Variants in EPHA5 observed in about 807,000 individuals in gnomAD.
The protein encoded by EPHA5 is ephrin type-A receptor 5.
Under a neutral mutation model 105.0 loss-of-function variants are expected in EPHA5, and 60 were observed. That is an observed-to-expected ratio of 0.57 (90% CI 0.46 to 0.71). EPHA5 has a LOEUF of 0.71. Ranked by LOEUF, EPHA5 falls within the 30% of genes least tolerant of loss-of-function variation. The pLI is 0.00. For missense variants in EPHA5, 1,218 were observed against 1,274.7 expected (o/e 0.96, Z 0.68); for synonymous variants, 513 against 449.1 (o/e 1.14, Z -1.80).
At chr4:65,343,813 C>T (rs921743430) in intron 14 of EPHA5, among the ~76,000 whole-genome samples, 3 of 151,734 alleles carry the variant, frequency 2.0e-5, no homozygotes, top group East Asian at 2.0e-4. Flanking sequence ...CTGTAAACCT[C>T]ATTTAAATTC....
chr4:65,371,923 C>T (rs1304398549), intron 8 of EPHA5, among the ~76,000 whole-genome samples: 1 of 151,892 alleles, frequency 6.6e-6, no homozygotes, highest in Non-Finnish European at 1.5e-5. Context: ...AATGGATACT[C>T]CTGTATTGTT....
intron 3 of EPHA5, among the ~76,000 whole-genome samples, chr4:65,526,031 T>C (rs563808742): frequency 6.6e-6 from 1 of 151,968 alleles, no homozygotes; most frequent in East Asian, 1.9e-4. Flanking sequence ...TTGAAATAAA[T>C]CCTATCAGTA....
At chr4:65,350,446 A>C (rs1201785369) in intron 13 of EPHA5, among the ~76,000 whole-genome samples, 3 of 152,142 alleles carry the variant, frequency 2.0e-5, no homozygotes, top group African/African-American at 7.2e-5. Context: ...AGTTGAATTA[A>C]ATATGAAAAC....
chr4:65,654,592 A>G (rs886914401), intron 1 of EPHA5, among the ~76,000 whole-genome samples: 7 of 150,934 alleles, frequency 4.6e-5, no homozygotes, highest in Admixed American at 6.6e-5. Context: ...ATCCATCTGA[A>G]TCTCCTAAAT....
At chr4:65,539,051 A>G (rs191217121) in intron 3 of EPHA5, among the ~76,000 whole-genome samples, 1 of 151,816 alleles carries the variant, frequency 6.6e-6, no homozygotes, top group East Asian at 1.9e-4. Context: ...TCCTTGTTAC[A>G]GAGAGCAGCC....
chr4:65,392,680 C>T (rs1195192558), intron 8 of EPHA5, among the ~76,000 whole-genome samples: 7 of 151,946 alleles, frequency 4.6e-5, no homozygotes, highest in African/African-American at 1.7e-4. Context: ...GTGATGGGAT[C>T]AAAAGGATTA....
chr4:65,635,521 C>T (rs573150622), intron 2 of EPHA5, among the ~76,000 whole-genome samples: 16 of 152,156 alleles, frequency 1.1e-4, no homozygotes, highest in African/African-American at 2.6e-4. Context: ...GCACAGACAA[C>T]TCAGTGGGGA....
chr4:65,383,891 T>C (rs943997726), intron 8 of EPHA5, among the ~76,000 whole-genome samples: 3 of 151,966 alleles, frequency 2.0e-5, no homozygotes, highest in Non-Finnish European at 2.9e-5. Flanking sequence ...GTAAGCCATA[T>C]TCCCATTTGG....
intron 3 of EPHA5, among the ~76,000 whole-genome samples, chr4:65,585,167 TAATA>T (rs1741997955): frequency 6.6e-6 from 1 of 150,860 alleles, no homozygotes; most frequent in Non-Finnish European, 1.5e-5. Context: ...TCCAATTACA[TAATA>T]AATATGATGT....
At chr4:65,529,049 C>A (rs1735514260) in intron 3 of EPHA5, among the ~76,000 whole-genome samples, 1 of 152,016 alleles carries the variant, frequency 6.6e-6, no homozygotes, top group Non-Finnish European at 1.5e-5. Context: ...AAACTATGTT[C>A]AATTAAAACA....
At position 65,331,252 on chromosome 4, in the gene EPHA5, C is replaced by A. The variant is rs998943048; in HGVS notation, c.2945+721G>T. 4.9e-6 allele frequency: 5 copies of A among 1,029,678 alleles called. No homozygotes were observed. In the African/African-American group the frequency reaches 5.0e-5, roughly 10 times the overall value. The allele number at this position is 1,029,678 out of a possible 1,614,324, so 63.8% of individuals were successfully genotyped here. A position where few individuals can be genotyped will look rare whatever the true frequency, so the allele number is the denominator to read the frequency against. On this transcript the variant is annotated intron_variant, in intron 16 of 16. Transcript: ENST00000613740. ...AAAGACAGTTAATTTTCACAAATAA[C>A]AATTAGGCTAAAACAACCACATGTA...
At chr4:65,589,755 G>C (rs565663443) in intron 3 of EPHA5, among the ~76,000 whole-genome samples, 2 of 152,210 alleles carry the variant, frequency 1.3e-5, no homozygotes, top group Admixed American at 6.5e-5. Flanking sequence ...TTGGGAACAG[G>C]TGAATATTAA....
intron 5 of EPHA5, among the ~76,000 whole-genome samples, chr4:65,459,618 C>G (rs900343095): frequency 8.6e-5 from 13 of 151,706 alleles, no homozygotes; most frequent in Non-Finnish European, 1.8e-4. Context: ...TTCTCACATA[C>G]TGAAACTCAT....
intron 8 of EPHA5, among the ~76,000 whole-genome samples, chr4:65,375,872 A>T (rs1410160263): frequency 6.6e-6 from 1 of 151,868 alleles, no homozygotes; most frequent in Non-Finnish European, 1.5e-5. Context: ...ATTTAGTTTG[A>T]CACTGAAGCC....
intron 7 of EPHA5, among the ~76,000 whole-genome samples, chr4:65,413,825 C>T (rs1723138189): frequency 1.3e-5 from 2 of 151,948 alleles, no homozygotes; most frequent in African/African-American, 2.4e-5. Context: ...AAAGACAGTG[C>T]CAGAGATTTA....
chr4:65,574,275 C>T (rs963787040), intron 3 of EPHA5: 6 of 1,586,392 alleles, frequency 3.8e-6, no homozygotes, highest in South Asian at 1.1e-5. Context: ...GGGCTAGTTG[C>T]GATCTGTGTT....
intron 8 of EPHA5, among the ~76,000 whole-genome samples, chr4:65,387,673 T>C (rs2148946464): frequency 6.6e-6 from 1 of 151,960 alleles, no homozygotes; most frequent in Non-Finnish European, 1.5e-5. Flanking sequence ...AGAACAGGGC[T>C]GAGTCAGGAA....
intron 14 of EPHA5, among the ~76,000 whole-genome samples, chr4:65,345,655 T>A (rs1722145116): frequency 6.6e-6 from 1 of 152,166 alleles, no homozygotes; most frequent in African/African-American, 2.4e-5. Context: ...TCATCAAGGG[T>A]CTTTGGAAGA....
chr4:65,566,601 T>C (rs535391532), intron 3 of EPHA5, among the ~76,000 whole-genome samples: 2 of 151,770 alleles, frequency 1.3e-5, no homozygotes, highest in African/African-American at 4.8e-5. Flanking sequence ...GGCAGCAAAG[T>C]GCTACTCCAA....
Sources: gnomAD v4.1 joint callset for allele counts (sites outside exome capture counted in the v4.1 genomes callset) on GRCh38, gnomAD v4.1.1 for gene constraint, MANE v1.5 for transcripts, NCBI Gene and HGNC (gene_info 2026-07-23, HGNC 2026-07-21) for gene names.